The following CFAP20DC variants were observed in gnomAD, a reference collection of about 807,000 sequenced individuals.
CFAP20DC encodes the protein CFAP20 domain containing.
A neutral mutation model predicts 101.7 loss-of-function variants in CFAP20DC; 84 were observed. The ratio of observed to expected loss-of-function variants is 0.83; its 90% CI spans 0.69 to 0.99. The LOEUF (loss-of-function observed/expected upper bound fraction) is 0.99. CFAP20DC is among the 50% of genes least tolerant of loss of function. CFAP20DC has a pLI of 0.00. For missense variants in CFAP20DC, 1,007 were observed against 970.3 expected (o/e 1.04, Z -0.50); for synonymous variants, 359 against 351.2 (o/e 1.02, Z -0.25).
At chr3:58,791,586 C>G (rs1405462322) in intron 15 of CFAP20DC, among the ~76,000 whole-genome samples, 1 of 152,030 alleles carries the variant, frequency 6.6e-6, no homozygotes, top group Non-Finnish European at 1.5e-5. Flanking sequence ...GCTGTATTTC[C>G]AATGACAATG....
intron 4 of CFAP20DC, among the ~76,000 whole-genome samples, chr3:58,967,539 C>CA (rs1326984280): frequency 6.6e-6 from 1 of 151,948 alleles, no homozygotes; most frequent in Non-Finnish European, 1.5e-5. Flanking sequence ...AACTTTTGTC[C>CA]TCAAAGGATG....
chr3:58,861,809 C>T lies in CFAP20DC; in HGVS notation c.1593+1749G>A. 1.0e-6 allele frequency: 1 copy of T among 985,418 alleles called. No homozygotes were observed. Among genetic ancestry groups the T allele is most frequent in the African/African-American group, 1.7e-5 (1 of 57,362 alleles). The allele number at this position is 985,418 out of a possible 1,614,324, so 61.0% of individuals were successfully genotyped here. A position where few individuals can be genotyped will look rare whatever the true frequency, so the allele number is the denominator to read the frequency against. The stretch of plus-strand genomic sequence containing the variant: ...GACTCTAGCCGTATGCTACTGGTCA[C>T]CTTGATGGGCATGGCACAGGGGTGA... On this transcript the variant is annotated intron_variant, in intron 12 of 16. Coordinates refer to ENST00000482387, the MANE Select transcript of CFAP20DC (RefSeq NM_001394063.1). The surrounding 1 kb of genome is among the most constrained non-coding windows in gnomAD (Gnocchi z 4.0).
In CFAP20DC at chr3:59,001,929, A is replaced by G. The variant is rs1003486385; in HGVS notation, c.278+37628T>C. ...TGACATGTGGTAAAGAAGAGATTCC[A>G]AAACAGAGACATTCTAAATTGAAAA... On this transcript the variant is annotated intron_variant, in intron 4 of 16. Transcript: ENST00000482387. The surrounding 1 kb of genome is among the most constrained non-coding windows in gnomAD (Gnocchi z 4.5). Among the ~76,000 whole-genome samples the G allele has an allele frequency of 4.6e-5, 7 of 152,230 alleles. No individual in the cohort carries two copies. The highest frequency in any genetic ancestry group is 2.6e-4 in the Admixed American group (4 of 15,286).
chr3:58,717,053 C>T (rs1379670318), downstream of CFAP20DC, among the ~76,000 whole-genome samples: 2 of 151,888 alleles, frequency 1.3e-5, no homozygotes, highest in Non-Finnish European at 2.9e-5. This position sits in a 1 kb window ranked among gnomAD's most constrained non-coding sequence, Gnocchi z 4.1. Flanking sequence ...ATTCCCCCAT[C>T]CTCTGACATG....
chr3:58,967,649 A>G (rs546345589), intron 4 of CFAP20DC, among the ~76,000 whole-genome samples: 1 of 152,224 alleles, frequency 6.6e-6, no homozygotes, highest in Non-Finnish European at 1.5e-5. Context: ...TTAAAAACTC[A>G]TATGAATCAA....
intron 11 of CFAP20DC, among the ~76,000 whole-genome samples, chr3:58,866,103 C>T (rs980579456): frequency 1.3e-5 from 2 of 152,206 alleles, no homozygotes; most frequent in African/African-American, 4.8e-5. Flanking sequence ...AAGGTTTCAA[C>T]GTTGCATAAA....
intron 3 of CFAP20DC, chr3:58,727,104 G>C (rs1353838087): frequency 5.0e-6 from 1 of 199,986 alleles, no homozygotes; most frequent in Non-Finnish European, 1.0e-5. Flanking sequence ...TCCCATAGGG[G>C]GCCAGGAAGT....
chr3:58,844,330 A>G (rs2077421196), intron 13 of CFAP20DC, among the ~76,000 whole-genome samples: 1 of 145,200 alleles, frequency 6.9e-6, no homozygotes, highest in African/African-American at 2.6e-5. Flanking sequence ...TACCAAGCAA[A>G]TGGAAAACAA....
At chr3:58,747,834 T>C (rs995512289) in intron 16 of CFAP20DC, among the ~76,000 whole-genome samples, 6 of 152,134 alleles carry the variant, frequency 3.9e-5, no homozygotes, top group African/African-American at 1.4e-4. Context: ...AACTGCTGAA[T>C]TTCAGTTCTC....
At chr3:58,739,115 C>T (rs2067824237), downstream of CFAP20DC, among the ~76,000 whole-genome samples, 1 of 152,038 alleles carries the variant, frequency 6.6e-6, no homozygotes, top group African/African-American at 2.4e-5. Context: ...GCAAAAGTGT[C>T]TATGTATTAT....
intron 4 of CFAP20DC, among the ~76,000 whole-genome samples, chr3:58,945,471 T>G (rs2089221006): frequency 6.6e-6 from 1 of 152,220 alleles, no homozygotes; most frequent in Non-Finnish European, 1.5e-5. Flanking sequence ...AAAAAAGCTC[T>G]GATCCAATGA....
rs150946465 is a variant in CFAP20DC, at chr3:58,757,954, T to C, written c.2238-4091A>G. On this transcript the variant is annotated intron_variant, in intron 15 of 16. Coordinates refer to ENST00000482387, the MANE Select transcript of CFAP20DC (RefSeq NM_001394063.1). ...ATAAAAAACTTTGGGCTAAACAAAATCAACCAGGACTTTTCTTGCAGGACT... is the reference window on the plus strand; with the variant it reads ...ATAAAAAACTTTGGGCTAAACAAAACCAACCAGGACTTTTCTTGCAGGACT... Among the ~76,000 whole-genome samples, 74 of 152,254 alleles carry C rather than the reference T, an allele frequency of 4.9e-4. 1 individual carries two copies. Among genetic ancestry groups the C allele is most frequent in the African/African-American group, 1.7e-3 (72 of 41,570 alleles).
intron 7 of CFAP20DC, among the ~76,000 whole-genome samples, chr3:58,883,871 T>C (rs1214557930): frequency 1.3e-5 from 2 of 152,196 alleles, no homozygotes; most frequent in African/African-American, 2.4e-5. Flanking sequence ...ACCACTCATC[T>C]AGACAATATT....
chr3:58,931,084 G>A (rs1013139099), intron 5 of CFAP20DC, among the ~76,000 whole-genome samples: 2 of 152,144 alleles, frequency 1.3e-5, no homozygotes, highest in African/African-American at 4.8e-5. Context: ...GCGCTTTTCC[G>A]ATGGGGCTTA....
In CFAP20DC at chr3:58,777,975, G is replaced by A. The variant is rs2071486520; in HGVS notation, c.2238-24112C>T. Among the ~76,000 whole-genome samples the A allele has an allele frequency of 1.3e-5, 2 of 152,196 alleles. 1 individual carries two copies. Among genetic ancestry groups the A allele is most frequent in the South Asian group, 4.1e-4 (2 of 4,834 alleles). ...TGTCCTACTCTGCCACTGGGGCTGA[G>A]GTGGAAGCCACAGGTAGTAATCCCA... On this transcript the variant is annotated intron_variant, in intron 15 of 16. Transcript: ENST00000482387.
At chr3:58,820,904 C>G (rs954871580) in intron 14 of CFAP20DC, among the ~76,000 whole-genome samples, 1 of 150,350 alleles carries the variant, frequency 6.7e-6, no homozygotes, top group African/African-American at 2.5e-5. Flanking sequence ...TACTACAAGG[C>G]TACAGTAACC....
intron 15 of CFAP20DC, among the ~76,000 whole-genome samples, chr3:58,792,281 T>C (rs924459519): frequency 1.3e-5 from 2 of 152,126 alleles, no homozygotes; most frequent in Non-Finnish European, 1.5e-5. Flanking sequence ...AGTAGTATAT[T>C]TATTTGCGTT....
intron 14 of CFAP20DC, among the ~76,000 whole-genome samples, chr3:58,815,417 C>A (rs1452919423): frequency 2.0e-5 from 3 of 147,468 alleles, no homozygotes; most frequent in African/African-American, 7.5e-5. Context: ...AGAAGAAAAC[C>A]TAGGCATTAC....
At chr3:58,973,969 G>C (rs1210384647) in intron 4 of CFAP20DC, among the ~76,000 whole-genome samples, 3 of 152,144 alleles carry the variant, frequency 2.0e-5, no homozygotes, top group African/African-American at 7.2e-5. Context: ...TGGGAGGCTT[G>C]AGGAAATCAA....
Sources: allele counts gnomAD v4.1 joint callset (sites outside exome capture counted in the v4.1 genomes callset), GRCh38; gene constraint gnomAD v4.1.1; non-coding constraint Gnocchi (gnomAD v3.1); transcripts MANE v1.5; gene names NCBI Gene and HGNC (gene_info 2026-07-23, HGNC 2026-07-21).